Variants in SH3RF2 observed in about 807,000 individuals in gnomAD.
SH3RF2 encodes the protein E3 ubiquitin-protein ligase SH3RF2.
SH3RF2 carries 43 observed loss-of-function variants against 59.0 expected under a neutral mutation model. The observed-to-expected ratio is 0.73, with a 90% CI of 0.57 to 0.94. The LOEUF (loss-of-function observed/expected upper bound fraction) is 0.94. SH3RF2 is among the 40% of genes least tolerant of loss of function. The pLI is 0.00. For missense variants in SH3RF2, 930 were observed against 940.1 expected (o/e 0.99, Z 0.14); for synonymous variants, 391 against 391.5 (o/e 1.00, Z 0.01).
intron 5 of SH3RF2, among the ~76,000 whole-genome samples, chr5:146,020,596 G>A (rs1427613531): frequency 2.0e-5 from 3 of 152,058 alleles, no homozygotes; most frequent in Admixed American, 6.6e-5. Flanking sequence ...TGTATTCACA[G>A]CACATTGTTT....
chr5:145,980,692 T>G (rs1340581600), intron 2 of SH3RF2, among the ~76,000 whole-genome samples: 4 of 152,200 alleles, frequency 2.6e-5, no homozygotes, highest in Non-Finnish European at 5.9e-5. Context: ...ACTGTGAAAT[T>G]TTAAGCTCCC....
chr5:146,026,891 T>A (rs892593613), intron 5 of SH3RF2, among the ~76,000 whole-genome samples: 4 of 152,182 alleles, frequency 2.6e-5, no homozygotes, highest in Admixed American at 6.5e-5. Flanking sequence ...AAGGCAATGC[T>A]TATACATGAG....
chr5:145,948,754 C>A (rs1173626926), intron 2 of SH3RF2, among the ~76,000 whole-genome samples: 1 of 152,194 alleles, frequency 6.6e-6, no homozygotes. Flanking sequence ...CCCTCTGTCC[C>A]AAACCCAGGT....
downstream of SH3RF2, among the ~76,000 whole-genome samples, chr5:146,064,303 G>A (rs150114562): frequency 5.2e-3 from 791 of 152,068 alleles, 8 homozygotes; most frequent in African/African-American, 0.018. Context: ...GACAGAGCCT[G>A]CGATGAAGAA....
chr5:146,017,558 G>T (rs1410718125), intron 5 of SH3RF2, among the ~76,000 whole-genome samples: 1 of 151,898 alleles, frequency 6.6e-6, no homozygotes, highest in Non-Finnish European at 1.5e-5. Context: ...CTGTCCCACT[G>T]CCAATCCTTC....
chr5:145,980,834 T>C (rs1759478299), intron 2 of SH3RF2, among the ~76,000 whole-genome samples: 13 of 152,188 alleles, frequency 8.5e-5, no homozygotes, highest in Admixed American at 8.5e-4. Flanking sequence ...TAATGAATGC[T>C]TATATACCTA....
rs79019024 is a variant in SH3RF2 at position 145,995,332 on chromosome 5, A to G, written c.379-4726A>G. 5.4e-4 allele frequency among the ~76,000 whole-genome samples: 83 copies of G among 152,356 alleles called. 1 individual carries two copies. The East Asian group carries it at 0.013, about 24-fold the overall frequency. ...CAATATTCCAGGTAGTCATGTACCC[A>G]GAAAAATGTGATATTACAATGGAAA... On this transcript the variant is annotated intron_variant, in intron 2 of 9. Transcript: ENST00000359120.
At chr5:145,997,194 C>T (rs12652801) in intron 2 of SH3RF2, 503,602 of 781,202 alleles carry the variant, frequency 0.64, 167,120 homozygotes, top group African/African-American at 0.93. Flanking sequence ...TTGTCAATGT[C>T]TCAGATTTTC....
rs186258450 is a variant in SH3RF2 at position 145,939,858 on chromosome 5, G to A, written c.378+1552G>A. ...CAGAAGTCTGACCTGCCTTTCAGCGGAGTATCATCACTTACTCAGGAAACG... is the reference window on the plus strand; with the variant it reads ...CAGAAGTCTGACCTGCCTTTCAGCGAAGTATCATCACTTACTCAGGAAACG... On this transcript the variant is annotated intron_variant, in intron 2 of 9. Coordinates refer to ENST00000359120, the MANE Select transcript of SH3RF2 (RefSeq NM_152550.4). Among the ~76,000 whole-genome samples, 471 of 152,302 alleles carry A rather than the reference G, an allele frequency of 3.1e-3. 4 individuals carry two copies. Among genetic ancestry groups the A allele is most frequent in the Admixed American group, 4.5e-3 (69 of 15,298 alleles).
At chr5:145,986,314 C>T (rs945745114) in intron 2 of SH3RF2, among the ~76,000 whole-genome samples, 3 of 152,120 alleles carry the variant, frequency 2.0e-5, no homozygotes, top group Non-Finnish European at 2.9e-5. Flanking sequence ...TTCCTCTAAG[C>T]CAGGGGAGAA....
downstream of SH3RF2, among the ~76,000 whole-genome samples, chr5:146,064,803 GGAAGGAAAGAAA>G (rs1188797836): frequency 3.4e-4 from 7 of 20,842 alleles, no homozygotes; most frequent in Admixed American, 5.9e-4. Flanking sequence ...AAGGAAGGAA[GGAAGGAAAGAAA>G]GAAAGAAAGA....
At chr5:146,010,492 A>C (rs1404477662) in intron 4 of SH3RF2, among the ~76,000 whole-genome samples, 8 of 152,166 alleles carry the variant, frequency 5.3e-5, no homozygotes, top group East Asian at 1.9e-4. Flanking sequence ...TACAGTCCCA[A>C]CAACAGTGTA....
intron 5 of SH3RF2, among the ~76,000 whole-genome samples, chr5:146,029,903 T>C (rs1241841414): frequency 2.0e-5 from 3 of 152,214 alleles, no homozygotes; most frequent in African/African-American, 7.2e-5. Flanking sequence ...GGATATGTAA[T>C]ATCCATTCTT....
rs537906076 is a variant in SH3RF2, at chr5:145,955,749, A to G, written c.378+17443A>G. 1.8e-3 allele frequency among the ~76,000 whole-genome samples: 267 copies of G among 152,336 alleles called. 1 individual carries two copies. The highest frequency in any genetic ancestry group is 2.8e-3 in the Non-Finnish European group (193 of 68,032). On this transcript the variant is annotated intron_variant, in intron 2 of 9. Coordinates refer to ENST00000359120, the MANE Select transcript of SH3RF2 (RefSeq NM_152550.4). ...TATGTTTTATCTACCATAGATGAAC[A>G]TAAGCATATATGGTCAGCCATACAT...
At chr5:146,007,082 A>G (rs538278718) in intron 4 of SH3RF2, among the ~76,000 whole-genome samples, 71 of 152,360 alleles carry the variant, frequency 4.7e-4, no homozygotes, top group African/African-American at 1.6e-3. Context: ...CACGTGAAAC[A>G]CTGGGTATCA....
rs553898470 is a variant in SH3RF2, at chr5:145,964,452, G to A, written c.378+26146G>A. On this transcript the variant is annotated intron_variant, in intron 2 of 9. Coordinates refer to ENST00000359120, the MANE Select transcript of SH3RF2 (RefSeq NM_152550.4). ...CTCCCAAGTAGCTGAGATCACAGAC[G>A]CGCCCCACCACGCCCCGCTAATTTT... 5.3e-5 allele frequency among the ~76,000 whole-genome samples: 8 copies of A among 151,656 alleles called. No individual in the cohort carries two copies. In the East Asian group the frequency reaches 9.8e-4, roughly 18 times the overall value.
intron 5 of SH3RF2, among the ~76,000 whole-genome samples, chr5:146,021,784 G>T (rs1343279518): frequency 6.6e-6 from 1 of 152,174 alleles, no homozygotes; most frequent in East Asian, 1.9e-4. Flanking sequence ...TTGTACAGGA[G>T]AAACCATGGC....
At chr5:146,011,063 G>A (rs1259984581) in intron 4 of SH3RF2, among the ~76,000 whole-genome samples, 1 of 152,170 alleles carries the variant, frequency 6.6e-6, no homozygotes, top group Admixed American at 6.5e-5. Context: ...TGTATAAGGT[G>A]TAAGGAAGGG....
At chr5:146,027,753 G>A (rs889528861) in intron 5 of SH3RF2, among the ~76,000 whole-genome samples, 11 of 152,180 alleles carry the variant, frequency 7.2e-5, no homozygotes, top group South Asian at 4.2e-4. Context: ...AAAAGGAAGC[G>A]AGCTGAGGTT....
Sources: gnomAD v4.1 joint callset for allele counts (sites outside exome capture counted in the v4.1 genomes callset) on GRCh38, gnomAD v4.1.1 for gene constraint, MANE v1.5 for transcripts, NCBI Gene and HGNC (gene_info 2026-07-23, HGNC 2026-07-21) for gene names.